Variants in MAP2K4 observed in about 807,000 individuals in gnomAD.
The protein encoded by MAP2K4 is dual specificity mitogen-activated protein kinase kinase 4.
MAP2K4 carries 4 observed loss-of-function variants against 48.5 expected under a neutral mutation model. The observed-to-expected ratio is 0.08, with a 90% CI of 0.04 to 0.19. The LOEUF (loss-of-function observed/expected upper bound fraction) is 0.19. Among genes scored for constraint, MAP2K4 ranks in the 10% least tolerant of loss-of-function variants. The pLI is 1.00. For synonymous variants in MAP2K4, 166 were observed against 173.1 expected (o/e 0.96, Z 0.32); for missense variants, 258 against 493.3 (o/e 0.52, Z 4.52).
Position 12,107,772 on chromosome 17 carries a change from A to C in MAP2K4, c.514-18A>C. ...TATTTAAGATGTATAAGAATAACAG[A>C]TATTTGTTATTTTATAGGGTGACTG... is the stretch of plus-strand genomic sequence containing the variant. On this transcript the variant is annotated intron_variant, in intron 4 of 10. Coordinates refer to ENST00000353533, the MANE Select transcript of MAP2K4 (RefSeq NM_003010.4). 6.4e-7 allele frequency: 1 copy of C among 1,564,266 alleles called. No individual in the cohort carries two copies. The highest frequency in any genetic ancestry group is 8.6e-7 in the Non-Finnish European group (1 of 1,159,954).
At chr17:12,112,492 A>G (rs997466001) in intron 6 of MAP2K4, among the ~76,000 whole-genome samples, 7 of 143,682 alleles carry the variant, frequency 4.9e-5, no homozygotes, top group African/African-American at 7.6e-5. Context: ...AAAAGCATGG[A>G]TGGTTAGGAA....
Position 12,142,376 on chromosome 17 carries a change from C to T in MAP2K4, c.*1116C>T, listed in dbSNP as rs1973399472. 3 of 233,124 alleles carry T rather than the reference C, an allele frequency of 1.3e-5. No individual in the cohort carries two copies. The Admixed American group carries it at 1.7e-4, about 13-fold the overall frequency. The allele number at this position is 233,124 out of a possible 1,614,324, so 14.4% of individuals were successfully genotyped here. On this transcript the variant is annotated 3_prime_UTR_variant, in exon 11 of 11. Coordinates refer to ENST00000353533, the MANE Select transcript of MAP2K4 (RefSeq NM_003010.4). Reference sequence around the variant, plus strand: ...CAGTTTCCGAATCTCTTTCCCTTCCCCTGTGGTCTATTGTCGCTATGTGAC... The same window carrying T: ...CAGTTTCCGAATCTCTTTCCCTTCCTCTGTGGTCTATTGTCGCTATGTGAC...
At chr17:12,042,040 G>T (rs1019977377) in intron 1 of MAP2K4, among the ~76,000 whole-genome samples, 1 of 151,922 alleles carries the variant, frequency 6.6e-6, no homozygotes, top group African/African-American at 2.4e-5. Flanking sequence ...AATTAGCCGG[G>T]TGTGGTGGCA....
intron 2 of MAP2K4, among the ~76,000 whole-genome samples, chr17:12,066,119 C>T (rs1000797496): frequency 2.0e-5 from 3 of 149,560 alleles, no homozygotes; most frequent in African/African-American, 7.4e-5. Flanking sequence ...ATAACATTTA[C>T]TATTGTTTCT....
chr17:12,110,300 A>G (rs1038353238), intron 5 of MAP2K4, 75 bp from the exon 6 acceptor site: 3 of 980,200 alleles, frequency 3.1e-6, no homozygotes, highest in Non-Finnish European at 5.0e-6. Context: ...ACGGGATATT[A>G]CTTGTGATAA....
intron 5 of MAP2K4, among the ~76,000 whole-genome samples, chr17:12,109,214 C>T (rs1045727894): frequency 3.3e-5 from 5 of 152,076 alleles, no homozygotes; most frequent in Admixed American, 1.3e-4. Context: ...TGCTCTTAAC[C>T]GCTGTATAAC....
rs146295356 is a variant in MAP2K4 at position 12,059,840 on chromosome 17, G to C, written c.218+4849G>C. On this transcript the variant is annotated intron_variant, in intron 2 of 10. Coordinates refer to ENST00000353533, the MANE Select transcript of MAP2K4 (RefSeq NM_003010.4). ...AAAACTTAGAATTTCTTCTTCTCTT[G>C]GTTAAATTGTGAGAACTGTGTCTTA... 4.6e-4 allele frequency among the ~76,000 whole-genome samples: 70 copies of C among 152,204 alleles called. No individual in the cohort carries two copies. In the East Asian group the frequency reaches 0.011, roughly 24 times the overall value.
At chr17:12,030,797 T>G (rs1327052854) in intron 1 of MAP2K4, among the ~76,000 whole-genome samples, 1 of 152,198 alleles carries the variant, frequency 6.6e-6, no homozygotes, top group African/African-American at 2.4e-5. Flanking sequence ...TGCTACCTAG[T>G]AACAGTCAAT....
chr17:12,139,899 G>A lies in MAP2K4; in HGVS notation c.1086+15G>A, dbSNP rs2151598748. On this transcript the variant is annotated intron_variant, in intron 10 of 10. Coordinates refer to ENST00000353533, the MANE Select transcript of MAP2K4 (RefSeq NM_003010.4). ...AAGAGCTTCTGGTGAGTGTGGGACT[G>A]TGGGGATTGTAGGTACATCCTAACC... The A allele has an allele frequency of 1.3e-6, 2 of 1,575,248 alleles. No individual in the cohort carries two copies. The highest frequency in any genetic ancestry group is 2.3e-5 in the East Asian group (1 of 43,988).
At chr17:12,065,258 A>ATATTATTATTATGAT (rs1555545191) in intron 2 of MAP2K4, among the ~76,000 whole-genome samples, 3 of 136,222 alleles carry the variant, frequency 2.2e-5, no homozygotes, top group Non-Finnish European at 4.6e-5. Context: ...ATATATACAT[A>ATATTATTATTATGAT]TATTATTATT....
At chr17:12,058,535 A>G (rs1404354594) in intron 2 of MAP2K4, among the ~76,000 whole-genome samples, 1 of 151,948 alleles carries the variant, frequency 6.6e-6, no homozygotes, top group Non-Finnish European at 1.5e-5. Context: ...TTTTCTGTTT[A>G]TTTTTAAACC....
At chr17:12,036,629 G>C (rs73977809) in intron 1 of MAP2K4, 1 of 151,940 alleles carries the variant, frequency 6.6e-6, no homozygotes, top group African/African-American at 2.4e-5. Flanking sequence ...CATGACAGAA[G>C]CCCCCTTTTT....
At chr17:12,042,171 A>AT (rs1555542896) in intron 1 of MAP2K4, among the ~76,000 whole-genome samples, 1 of 149,886 alleles carries the variant, frequency 6.7e-6, no homozygotes, top group Non-Finnish European at 1.5e-5. Context: ...TTGTCTCAAA[A>AT]AAAAAAAAAA....
chr17:12,112,843 T>C (rs1972349796), intron 6 of MAP2K4, among the ~76,000 whole-genome samples: 1 of 152,154 alleles, frequency 6.6e-6, no homozygotes, highest in Non-Finnish European at 1.5e-5. Flanking sequence ...TTGTGAAAAT[T>C]TTTTTTGATA....
intron 9 of MAP2K4, among the ~76,000 whole-genome samples, chr17:12,131,021 A>G (rs941404290): frequency 4.6e-5 from 7 of 152,180 alleles, no homozygotes; most frequent in Non-Finnish European, 1.0e-4. Flanking sequence ...CTTAGGTTGT[A>G]TAATGGTTTT....
chr17:12,112,451 C>T (rs918269707), intron 6 of MAP2K4, among the ~76,000 whole-genome samples: 4 of 119,206 alleles, frequency 3.4e-5, no homozygotes, highest in East Asian at 2.4e-4. Context: ...TAAAAAAGAG[C>T]GAGACTCTTG....
At chr17:12,103,195 A>G (rs1971996544) in intron 4 of MAP2K4, among the ~76,000 whole-genome samples, 1 of 149,420 alleles carries the variant, frequency 6.7e-6, no homozygotes, top group Non-Finnish European at 1.5e-5. Flanking sequence ...ATGCACTACC[A>G]CCACCCTGCT....
chr17:12,137,762 CTT>C (rs908532509), intron 9 of MAP2K4, among the ~76,000 whole-genome samples: 1 of 151,902 alleles, frequency 6.6e-6, no homozygotes, highest in African/African-American at 2.4e-5. Flanking sequence ...AGTGAAGTCT[CTT>C]TATCATGTAG....
chr17:12,040,145 G>A (rs1162499865), intron 1 of MAP2K4, among the ~76,000 whole-genome samples: 3 of 152,078 alleles, frequency 2.0e-5, no homozygotes, highest in East Asian at 1.9e-4. Flanking sequence ...AAAGTTCTCC[G>A]TCAGCCTTTC....
Sources: gnomAD v4.1 joint callset for allele counts (sites outside exome capture counted in the v4.1 genomes callset) on GRCh38, gnomAD v4.1.1 for gene constraint, MANE v1.5 for transcripts, NCBI Gene and HGNC (gene_info 2026-07-23, HGNC 2026-07-21) for gene names.